The following VEPH1 variants were observed in gnomAD, a reference collection of about 807,000 sequenced individuals.
The protein encoded by VEPH1 is ventricular zone-expressed PH domain-containing protein homolog 1.
VEPH1 carries 80 observed loss-of-function variants against 85.2 expected under a neutral mutation model. The ratio of observed to expected loss-of-function variants is 0.94; its 90% CI spans 0.78 to 1.13. The LOEUF (loss-of-function observed/expected upper bound fraction) is 1.13. Among genes scored for constraint, VEPH1 ranks in the 50% most tolerant of loss-of-function variants. VEPH1 has a pLI of 0.00. For synonymous variants in VEPH1, 297 were observed against 348.0 expected, an observed-to-expected ratio of 0.85 and a Z score of 1.63; for missense variants, 955 against 980.5, an observed-to-expected ratio of 0.97 and a Z score of 0.35.
chr3:157,371,852 T>C (rs974914318), intron 7 of VEPH1, among the ~76,000 whole-genome samples: 2 of 152,218 alleles, frequency 1.3e-5, no homozygotes, highest in Non-Finnish European at 2.9e-5. Context: ...CTGGTTCAGA[T>C]GGACCCCGAA....
In VEPH1 at chr3:157,292,276, C is replaced by T. The variant is rs116431264; in HGVS notation, c.2011-5602G>A. Among the ~76,000 whole-genome samples the T allele has an allele frequency of 7.1e-3, 1,087 of 152,308 alleles. 16 individuals carry two copies. Among genetic ancestry groups the T allele is most frequent in the African/African-American group, 0.022 (928 of 41,560 alleles). On this transcript the variant is annotated intron_variant, in intron 11 of 13. Coordinates refer to ENST00000362010, the MANE Select transcript of VEPH1 (RefSeq NM_001167912.2). ...CCCGAGTTGCTCTGGTGTGCCCTGA[C>T]TGTAAAATTAATCCTATGTCTTTCA...
chr3:157,452,077 A>G (rs1735011273), intron 4 of VEPH1, among the ~76,000 whole-genome samples: 1 of 152,214 alleles, frequency 6.6e-6, no homozygotes, highest in South Asian at 2.1e-4. Flanking sequence ...TGATTGTGTG[A>G]TTGACAAAAA....
chr3:157,323,146 C>T (rs924303048), intron 9 of VEPH1, among the ~76,000 whole-genome samples: 3 of 152,162 alleles, frequency 2.0e-5, no homozygotes, highest in African/African-American at 7.2e-5. Flanking sequence ...TCCTCCTCAC[C>T]TCCAAGTTAA....
chr3:157,446,946 G>A lies in VEPH1; in HGVS notation c.529+13235C>T, dbSNP rs533471867. On this transcript the variant is annotated intron_variant, in intron 4 of 13. Coordinates refer to ENST00000362010, the MANE Select transcript of VEPH1 (RefSeq NM_001167912.2). ...GAGTCTCAAATTAGTCAGGAACTTA[G>A]GGATAACAAGACTTGCCTACCTTGT... Among the ~76,000 whole-genome samples the A allele has an allele frequency of 1.4e-4, 21 of 152,228 alleles. No homozygotes were observed. The South Asian group carries it at 3.7e-3, about 27-fold the overall frequency.
intron 11 of VEPH1, among the ~76,000 whole-genome samples, chr3:157,306,307 T>C (rs961541056): frequency 1.6e-4 from 25 of 152,258 alleles, no homozygotes; most frequent in Middle Eastern, 3.4e-3. Context: ...TAATTCTAAA[T>C]ATAGTGTATT....
intron 12 of VEPH1, among the ~76,000 whole-genome samples, chr3:157,283,237 G>T (rs1246451654): frequency 6.6e-6 from 1 of 152,110 alleles, no homozygotes; most frequent in East Asian, 1.9e-4. Flanking sequence ...GAAAAGTCAG[G>T]TTCTGGAATT....
At chr3:157,423,595 C>T (rs1356683189) in intron 5 of VEPH1, among the ~76,000 whole-genome samples, 1 of 152,212 alleles carries the variant, frequency 6.6e-6, no homozygotes, top group South Asian at 2.1e-4. Context: ...ATGTCACACC[C>T]TTTGTGGGAC....
At chr3:157,277,407 G>A (rs930926689) in intron 12 of VEPH1, among the ~76,000 whole-genome samples, 3 of 152,168 alleles carry the variant, frequency 2.0e-5, no homozygotes. Flanking sequence ...TGACAAGCTT[G>A]TGCCCCGTCT....
chr3:157,449,279 C>T (rs917232992), intron 4 of VEPH1, among the ~76,000 whole-genome samples: 1 of 151,956 alleles, frequency 6.6e-6, no homozygotes, highest in African/African-American at 2.4e-5. Context: ...AAGGATGTTC[C>T]CTTTTATTGC....
chr3:157,496,331 C>G (rs1739662084), intron 1 of VEPH1, among the ~76,000 whole-genome samples: 1 of 152,240 alleles, frequency 6.6e-6, no homozygotes, highest in Non-Finnish European at 1.5e-5. Context: ...CAGCTCCCTT[C>G]TGGGCCTAAT....
At chr3:157,279,166 G>A (rs1715761815) in intron 12 of VEPH1, among the ~76,000 whole-genome samples, 1 of 152,184 alleles carries the variant, frequency 6.6e-6, no homozygotes. Flanking sequence ...GGTGATTACT[G>A]TAGTAAGAGC....
intron 8 of VEPH1, 41 bp from the exon 9 acceptor site, chr3:157,363,802 C>G (rs776342316): frequency 1.8e-5 from 29 of 1,585,002 alleles, no homozygotes; most frequent in Non-Finnish European, 2.5e-5. Context: ...AGTTGTGTTA[C>G]CATTCACTGA....
intron 1 of VEPH1, among the ~76,000 whole-genome samples, chr3:157,501,678 G>C (rs1166861415): frequency 6.6e-6 from 1 of 152,076 alleles, no homozygotes; most frequent in African/African-American, 2.4e-5. Context: ...TGAAACTCTT[G>C]GGGGAGATTT....
chr3:157,432,479 T>C (rs1037042148), intron 4 of VEPH1, among the ~76,000 whole-genome samples: 4 of 152,096 alleles, frequency 2.6e-5, no homozygotes, highest in African/African-American at 9.7e-5. Context: ...GAAATGACTT[T>C]GGTACATAGG....
chr3:157,309,994 G>T (rs1259876478), intron 11 of VEPH1, among the ~76,000 whole-genome samples: 1 of 152,074 alleles, frequency 6.6e-6, no homozygotes, highest in African/African-American at 2.4e-5. Context: ...TGACTAGACT[G>T]GTCTTGAACT....
chr3:157,279,521 A>G (rs1715811474), intron 12 of VEPH1, among the ~76,000 whole-genome samples: 1 of 152,158 alleles, frequency 6.6e-6, no homozygotes, highest in Non-Finnish European at 1.5e-5. Flanking sequence ...AAGGCAGTAG[A>G]TGGAGGGAAA....
intron 11 of VEPH1, among the ~76,000 whole-genome samples, chr3:157,304,439 G>C (rs1222088928): frequency 1.3e-5 from 2 of 152,112 alleles, no homozygotes; most frequent in Admixed American, 6.5e-5. Flanking sequence ...TGTTAATAAA[G>C]GCCTTTTCTT....
chr3:157,451,492 CTT>C (rs1734962382), intron 4 of VEPH1, among the ~76,000 whole-genome samples: 1 of 152,128 alleles, frequency 6.6e-6, no homozygotes, highest in African/African-American at 2.4e-5. Flanking sequence ...CTAAACATTA[CTT>C]ATATATAACC....
At chr3:157,338,017 C>T in intron 9 of VEPH1, among the ~76,000 whole-genome samples, 1 of 152,028 alleles carries the variant, frequency 6.6e-6, no homozygotes, top group South Asian at 2.1e-4. Context: ...CAGGTCCATT[C>T]CTCAACCAGG....
Sources: allele counts gnomAD v4.1 joint callset (sites outside exome capture counted in the v4.1 genomes callset), GRCh38; gene constraint gnomAD v4.1.1; transcripts MANE v1.5; gene names NCBI Gene and HGNC (gene_info 2026-07-23, HGNC 2026-07-21).